ZNF518A: variants seen among roughly 807,000 people sequenced by gnomAD.
ZNF518A encodes zinc finger protein 518A.
Under a neutral mutation model 102.7 loss-of-function variants are expected in ZNF518A, and 47 were observed. The ratio of observed to expected loss-of-function variants is 0.46; its 90% confidence interval spans 0.36 to 0.58. The LOEUF is 0.58. ZNF518A is among the 20% of genes least tolerant of loss of function. The probability of loss-of-function intolerance (pLI) is 0.00; values close to 1 mark genes in which losing one functional copy is unlikely to be tolerated. For synonymous variants in ZNF518A, 652 were observed against 594.6 expected, an observed-to-expected ratio of 1.10 and a Z score of -1.40; for missense variants, 1,793 against 1,699.8, an observed-to-expected ratio of 1.05 and a Z score of -0.96.
At chr10:96,164,243 T>C (rs1554889559), downstream of ZNF518A, among the ~76,000 whole-genome samples, 1 of 152,224 alleles carries the variant, frequency 6.6e-6, no homozygotes, top group Non-Finnish European at 1.5e-5. Flanking sequence ...CTTGATTTTT[T>C]AAAAATAAGA....
Position 96,158,297 on chromosome 10 carries a change from G to A in ZNF518A, c.1975G>A (p.Val659Met). 1 of 1,613,692 alleles carries A rather than the reference G, an allele frequency of 6.2e-7. No homozygotes were observed. The highest frequency in any genetic ancestry group is 8.5e-7 in the Non-Finnish European group (1 of 1,179,728). Reference protein sequence around the residue: ...NKRRRFSGTAVYENPQRESSS... With the variant: ...NKRRRFSGTAMYENPQRESSS... ...ACGTCGTAGGTTTTCAGGAACAGCA[G>A]TGTATGAAAACCCTCAAAGAGAATC... is the stretch of plus-strand genomic sequence containing the variant. Residue 659 changes from valine (V) to methionine (M), a missense_variant, in exon 6 of 6, where the codon GTG (valine) becomes ATG (methionine). Physicochemically the swap from Val to Met is conservative, Grantham distance 21. This residue lies in a region of ZNF518A where 1,741 missense variants were observed against 1,622.6 expected (regional missense o/e 1.07). Coordinates refer to ENST00000316045, the MANE Select transcript of ZNF518A (RefSeq NM_001330736.2).
intron 1 of ZNF518A, among the ~76,000 whole-genome samples, chr10:96,173,016 T>C (rs1429030488): frequency 3.9e-5 from 6 of 152,180 alleles, no homozygotes; most frequent in African/African-American, 1.2e-4. Flanking sequence ...AGACTTTTTT[T>C]CTTATTCCCT....
intron 1 of ZNF518A, chr10:96,189,615 T>A: frequency 1.4e-6 from 1 of 701,702 alleles, no homozygotes; most frequent in African/African-American, 1.7e-5. Flanking sequence ...GTGTTTTCTA[T>A]TCTGATTTGA....
At chr10:96,181,691 A>G (rs1223796588) in intron 1 of ZNF518A, among the ~76,000 whole-genome samples, 1 of 152,042 alleles carries the variant, frequency 6.6e-6, no homozygotes, top group Non-Finnish European at 1.5e-5. Flanking sequence ...GTTCTGTTCC[A>G]TTGGTCTATC....
intron 1 of ZNF518A, among the ~76,000 whole-genome samples, chr10:96,169,276 A>G (rs1476263644): frequency 1.3e-5 from 2 of 152,170 alleles, no homozygotes; most frequent in African/African-American, 4.8e-5. Flanking sequence ...AAACACTGTG[A>G]TTACAGGTGT....
downstream of ZNF518A, among the ~76,000 whole-genome samples, chr10:96,165,958 C>A (rs2083136787): frequency 6.6e-6 from 1 of 152,100 alleles, no homozygotes; most frequent in African/African-American, 2.4e-5. Context: ...AGCCTCAGAA[C>A]CAGGAAAACT....
At chr10:96,144,988 A>T (rs1487049607) in intron 3 of ZNF518A, among the ~76,000 whole-genome samples, 1 of 152,210 alleles carries the variant, frequency 6.6e-6, no homozygotes, top group African/African-American at 2.4e-5. Flanking sequence ...AATTTTTAGT[A>T]TTTCTTTTAA....
chr10:96,178,623 A>G (rs1554891714), intron 1 of ZNF518A, among the ~76,000 whole-genome samples: 1 of 152,084 alleles, frequency 6.6e-6, no homozygotes, highest in Non-Finnish European at 1.5e-5. Flanking sequence ...ATCAATGAGT[A>G]GAAAACAGAC....
rs2083039030 is a variant in ZNF518A, at chr10:96,162,555, T to C, written c.*1781T>C. The C allele has an allele frequency of 6.0e-6, 1 of 166,938 alleles. No homozygotes were observed. Among genetic ancestry groups the C allele is most frequent in the Admixed American group, 6.5e-5 (1 of 15,276 alleles). The allele number at this position is 166,938 out of a possible 1,614,324, so 10.3% of individuals were successfully genotyped here. On this transcript the variant is annotated 3_prime_UTR_variant, in exon 6 of 6. Coordinates refer to ENST00000316045, the MANE Select transcript of ZNF518A (RefSeq NM_001330736.2). Reference sequence around the variant, plus strand: ...ACTGTTTTGTGCAGTTTGTCTACTTTCTTAGTGAAGTATTTTTTGTATAAA... The same window carrying C: ...ACTGTTTTGTGCAGTTTGTCTACTTCCTTAGTGAAGTATTTTTTGTATAAA...
intron 1 of ZNF518A, among the ~76,000 whole-genome samples, chr10:96,182,262 A>G (rs2083244660): frequency 6.6e-6 from 1 of 152,236 alleles, no homozygotes; most frequent in African/African-American, 2.4e-5. Context: ...ATATACAATA[A>G]TGTCATCTGC....
At chr10:96,145,540 C>T (rs2082131807) in intron 3 of ZNF518A, among the ~76,000 whole-genome samples, 1 of 152,200 alleles carries the variant, frequency 6.6e-6, no homozygotes, top group Admixed American at 6.5e-5. Context: ...AATTCAGTAA[C>T]ATAATTCATC....
At chr10:96,191,867 AC>A in intron 1 of ZNF518A, 1 of 1,456,744 alleles carries the variant, frequency 6.9e-7, no homozygotes, top group Non-Finnish European at 9.6e-7. Context: ...CCATTTTATT[AC>A]TGGATGATTC....
At chr10:96,179,810 C>G (rs1044092649) in intron 1 of ZNF518A, among the ~76,000 whole-genome samples, 1 of 151,408 alleles carries the variant, frequency 6.6e-6, no homozygotes, top group African/African-American at 2.4e-5. Flanking sequence ...TCCTCCTCTC[C>G]TCCTTCTCTT....
At chr10:96,195,629 G>A (rs1007875628) in intron 1 of ZNF518A, among the ~76,000 whole-genome samples, 1 of 152,166 alleles carries the variant, frequency 6.6e-6, no homozygotes, top group African/African-American at 2.4e-5. Flanking sequence ...AAAATAGAAC[G>A]TGGTTGCTAG....
At chr10:96,131,478 G>T (rs1554871823) in intron 1 of ZNF518A, among the ~76,000 whole-genome samples, 1 of 152,158 alleles carries the variant, frequency 6.6e-6, no homozygotes, top group African/African-American at 2.4e-5. Flanking sequence ...CACTTTGAGG[G>T]TGTTGGGATT....
Position 96,159,635 on chromosome 10 carries a change from G to GT in ZNF518A, c.3320dup (p.Leu1107PhefsTer8). The GT allele has an allele frequency of 1.2e-6, 2 of 1,613,724 alleles. No individual in the cohort carries two copies. The highest frequency in any genetic ancestry group is 2.2e-5 in the East Asian group (1 of 44,882). On this transcript the variant is annotated frameshift_variant, in exon 6 of 6. Transcript: ENST00000316045. LOFTEE classifies it high-confidence loss of function. ...CTTCTTGCCTGATGGCAAACAAGCT[G>GT]TTTTTTTAAAGTGTGTGATGCCAAA...
intron 3 of ZNF518A, among the ~76,000 whole-genome samples, chr10:96,150,742 C>CATTTTTTTTT (rs1564759772): frequency 6.9e-5 from 1 of 14,538 alleles, no homozygotes; most frequent in Non-Finnish European, 1.8e-4. Context: ...TTCTTTCTTT[C>CATTTTTTTTT]CTTTTTTTTT....
In ZNF518A at chr10:96,163,649, G is replaced by A. The variant is rs112334701; in HGVS notation, c.*2875G>A. ...AAGGGTCAGATAAATAAGCTTCGTA[G>A]GCCTTCTAGTTTCTGTCCTAACTAC... On this transcript the variant is annotated 3_prime_UTR_variant, in exon 6 of 6. Transcript: ENST00000316045. 681 of 166,816 alleles carry A rather than the reference G, an allele frequency of 4.1e-3. 6 individuals carry two copies. Among genetic ancestry groups the A allele is most frequent in the African/African-American group, 0.015 (629 of 41,432 alleles). The allele number at this position is 166,816 out of a possible 1,614,324, so 10.3% of individuals were successfully genotyped here. A position where few individuals can be genotyped will look rare whatever the true frequency, so the allele number is the denominator to read the frequency against.
At chr10:96,199,454 T>G (rs2083568198) in intron 1 of ZNF518A, 1 of 457,070 alleles carries the variant, frequency 2.2e-6, no homozygotes, top group Non-Finnish European at 4.4e-6. Flanking sequence ...GTGGAGCTCA[T>G]GCAGCACCAA....
Sources: gnomAD v4.1 joint callset for allele counts (sites outside exome capture counted in the v4.1 genomes callset) on GRCh38, gnomAD v4.1.1 for gene constraint, gnomAD v4.1.1 regional missense constraint, MANE v1.5 for transcripts, NCBI Gene and HGNC (gene_info 2026-07-23, HGNC 2026-07-21) for gene names.